ARL3: variants seen among roughly 807,000 people sequenced by gnomAD.
ARL3 encodes the protein ADP-ribosylation factor-like protein 3.
A neutral mutation model predicts 26.0 loss-of-function variants in ARL3; 9 were observed. The ratio of observed to expected loss-of-function variants is 0.35; its 90% CI spans 0.21 to 0.60. The LOEUF (loss-of-function observed/expected upper bound fraction) is 0.60. Ranked by LOEUF, ARL3 falls within the 20% of genes least tolerant of loss-of-function variation. ARL3 has a pLI of 0.78. For missense variants in ARL3, 158 were observed against 215.7 expected (o/e 0.73, Z 1.67); for synonymous variants, 71 against 78.4 (o/e 0.91, Z 0.50).
At chr10:102,709,519 C>T (rs1366450355) in intron 1 of ARL3, among the ~76,000 whole-genome samples, 1 of 149,232 alleles carries the variant, frequency 6.7e-6, no homozygotes, top group East Asian at 2.0e-4. Flanking sequence ...TGGTGGTGTG[C>T]ACCTGCGGTT....
intron 2 of ARL3, among the ~76,000 whole-genome samples, chr10:102,701,958 G>A (rs2064281894): frequency 6.6e-6 from 1 of 151,392 alleles, no homozygotes; most frequent in Non-Finnish European, 1.5e-5. Flanking sequence ...TGAGGCGGGA[G>A]GACTGCTTGA....
intron 4 of ARL3, among the ~76,000 whole-genome samples, chr10:102,687,727 A>G (rs575417070): frequency 1.3e-5 from 2 of 151,680 alleles, no homozygotes; most frequent in Non-Finnish European, 2.9e-5. Flanking sequence ...GGGTTTTGAT[A>G]TATTGCCCAC....
At chr10:102,688,008 A>G (rs892133486) in intron 4 of ARL3, among the ~76,000 whole-genome samples, 15 of 152,128 alleles carry the variant, frequency 9.9e-5, no homozygotes, top group Non-Finnish European at 1.5e-4. Context: ...TGTTTCATCA[A>G]TCTCTATCTC....
chr10:102,703,913 G>A (rs575691016), intron 2 of ARL3, among the ~76,000 whole-genome samples: 3 of 150,392 alleles, frequency 2.0e-5, no homozygotes, highest in South Asian at 4.5e-4. Flanking sequence ...ACTTTGGGAG[G>A]CCGAGGCAGG....
intron 4 of ARL3, among the ~76,000 whole-genome samples, chr10:102,689,321 G>A (rs974299838): frequency 2.6e-5 from 4 of 152,000 alleles, no homozygotes; most frequent in Admixed American, 6.6e-5. Context: ...GTGAAACTCC[G>A]TTTTGGAGGG....
chr10:102,714,184 T>G, intron 1 of ARL3, 89 bp downstream of exon 1: 1 of 1,292,868 alleles, frequency 7.7e-7, no homozygotes, highest in Non-Finnish European at 1.0e-6. Context: ...ATTCCCTCCT[T>G]GGCTTTAAGC....
intron 3 of ARL3, among the ~76,000 whole-genome samples, chr10:102,699,007 C>G (rs1268973937): frequency 1.3e-5 from 2 of 152,138 alleles, no homozygotes; most frequent in Non-Finnish European, 2.9e-5. Context: ...GTTTCCAGTA[C>G]TTTCACTATT....
At chr10:102,688,283 TAGGAC>T (rs2064198045) in intron 4 of ARL3, among the ~76,000 whole-genome samples, 1 of 152,162 alleles carries the variant, frequency 6.6e-6, no homozygotes, top group African/African-American at 2.4e-5. Context: ...GATGACTACA[TAGGAC>T]CCCCTCCACC....
intron 5 of ARL3, among the ~76,000 whole-genome samples, chr10:102,684,556 T>C: frequency 6.6e-6 from 1 of 152,196 alleles, no homozygotes; most frequent in East Asian, 1.9e-4. Flanking sequence ...CTCATCTTCA[T>C]CAAAATAACC....
Position 102,685,892 on chromosome 10 carries a change from CCTT to C in ARL3, c.422_424del (p.Glu141del). The C allele has an allele frequency of 6.2e-7, 1 of 1,614,154 alleles. No homozygotes were observed. Among genetic ancestry groups the C allele is most frequent in the Non-Finnish European group, 8.5e-7 (1 of 1,180,044 alleles). ...GTCGCGGATGGTATGCAGGTTCAGTCCTTCTGCAATTTCAGAGGCAGGGGCTGC... is the reference window on the plus strand; with the variant it reads ...GTCGCGGATGGTATGCAGGTTCAGTCCTGCAATTTCAGAGGCAGGGGCTGC... On this transcript the variant is annotated inframe_deletion, in exon 5 of 6. Coordinates refer to ENST00000260746, the MANE Select transcript of ARL3 (RefSeq NM_004311.4).
At chr10:102,701,984 G>A (rs1014435436) in intron 2 of ARL3, among the ~76,000 whole-genome samples, 4 of 147,424 alleles carry the variant, frequency 2.7e-5, no homozygotes, top group African/African-American at 1.0e-4. Context: ...GGAGTTCAAG[G>A]CCAGCCTGGG....
chr10:102,702,614 GAC>G (rs2064286101), intron 2 of ARL3, among the ~76,000 whole-genome samples: 1 of 152,046 alleles, frequency 6.6e-6, no homozygotes, highest in Non-Finnish European at 1.5e-5. Context: ...GTTCTTGAGA[GAC>G]ACAGTTTATT....
intron 1 of ARL3, among the ~76,000 whole-genome samples, chr10:102,713,975 G>C (rs1394518816): frequency 6.6e-6 from 1 of 152,154 alleles, no homozygotes; most frequent in African/African-American, 2.4e-5. Context: ...CCTCACCCCT[G>C]TCCCCAGAGT....
At chr10:102,692,518 C>T (rs542222696) in intron 3 of ARL3, among the ~76,000 whole-genome samples, 3 of 151,758 alleles carry the variant, frequency 2.0e-5, no homozygotes, top group South Asian at 4.2e-4. Flanking sequence ...TGGGTTCAAG[C>T]GATACTCCTG....
intron 1 of ARL3, among the ~76,000 whole-genome samples, chr10:102,712,961 ACTT>A (rs1398298026): frequency 1.3e-5 from 2 of 151,792 alleles, no homozygotes; most frequent in African/African-American, 2.4e-5. Context: ...AAATAACCCT[ACTT>A]CTTTAACAAT....
intron 1 of ARL3, among the ~76,000 whole-genome samples, chr10:102,708,594 C>T (rs980527878): frequency 1.3e-5 from 2 of 151,982 alleles, no homozygotes; most frequent in East Asian, 3.9e-4. Flanking sequence ...TGGTGGCTCA[C>T]ACCTGTAATT....
chr10:102,706,267 C>A (rs576104929), intron 1 of ARL3, among the ~76,000 whole-genome samples: 1 of 152,060 alleles, frequency 6.6e-6, no homozygotes, highest in African/African-American at 2.4e-5. Context: ...CTGGCTAACA[C>A]GGTGAAACCC....
intron 2 of ARL3, among the ~76,000 whole-genome samples, chr10:102,701,932 C>A (rs994919758): frequency 6.6e-6 from 1 of 151,530 alleles, no homozygotes; most frequent in African/African-American, 2.4e-5. Context: ...CACCCATAAT[C>A]CCAATTTTGG....
chr10:102,675,934 A>G lies in ARL3; in HGVS notation c.*960T>C, dbSNP rs1316888794. On this transcript the variant is annotated 3_prime_UTR_variant, in exon 6 of 6. Transcript: ENST00000260746. ...TTCTAAAATCTGATAGCAGCGGCCT[A>G]TTGTGATCGTTTAAACACAGAATTC... 2 of 152,588 alleles carry G rather than the reference A, an allele frequency of 1.3e-5. No individual in the cohort carries two copies. The highest frequency in any genetic ancestry group is 2.9e-5 in the Non-Finnish European group (2 of 68,030). 9.5% of individuals were successfully genotyped at this position (152,588 alleles called of 1,614,324 possible).
Sources: gnomAD v4.1 joint callset for allele counts (sites outside exome capture counted in the v4.1 genomes callset) on GRCh38, gnomAD v4.1.1 for gene constraint, MANE v1.5 for transcripts, NCBI Gene and HGNC (gene_info 2026-07-23, HGNC 2026-07-21) for gene names.